Variants in PTPRZ1 observed in about 807,000 individuals in gnomAD.
PTPRZ1 encodes protein tyrosine phosphatase receptor type Z1.
In PTPRZ1, 82 loss-of-function variants were observed where a neutral mutation model predicts 214.1. That is an observed-to-expected ratio of 0.38 (90% CI 0.32 to 0.46). The LOEUF is 0.46. Ranked by LOEUF, PTPRZ1 falls within the 20% of genes least tolerant of loss-of-function variation. The pLI, the probability that PTPRZ1 is intolerant of heterozygous loss-of-function variation, is 1.00. For missense variants in PTPRZ1, 2,603 were observed against 2,748.7 expected (o/e 0.95, Z 1.19); for synonymous variants, 945 against 987.9 (o/e 0.96, Z 0.81).
intron 8 of PTPRZ1, among the ~76,000 whole-genome samples, chr7:121,984,656 T>C (rs973181773): frequency 5.9e-5 from 9 of 152,104 alleles, no homozygotes; most frequent in African/African-American, 2.2e-4. Flanking sequence ...TGAAAATAAA[T>C]GCACTGAGTT....
intron 15 of PTPRZ1, among the ~76,000 whole-genome samples, chr7:122,032,546 G>A (rs1799413747): frequency 6.6e-6 from 1 of 152,002 alleles, no homozygotes; most frequent in Admixed American, 6.6e-5. Flanking sequence ...TGGCTCTGCG[G>A]ACCTCCCTCT....
chr7:122,023,427 G>A (rs1799082671), intron 13 of PTPRZ1, among the ~76,000 whole-genome samples: 1 of 146,312 alleles, frequency 6.8e-6, no homozygotes, highest in Non-Finnish European at 1.5e-5. Context: ...TAGCCAGCGA[G>A]GCATGGTGGC....
chr7:121,873,409 C>T lies in PTPRZ1; in HGVS notation c.-91C>T. On this transcript the variant is annotated 5_prime_UTR_variant, in exon 1 of 30. Transcript: ENST00000393386. ...CTATACACTGGAGGATTAAAACAAACAAACAAAAAAAACATTTCCTTCGCT... is the reference window on the plus strand; with the variant it reads ...CTATACACTGGAGGATTAAAACAAATAAACAAAAAAAACATTTCCTTCGCT... 7.4e-7 allele frequency: 1 copy of T among 1,356,740 alleles called. No homozygotes were observed. Among genetic ancestry groups the T allele is most frequent in the African/African-American group, 1.4e-5 (1 of 69,546 alleles). 84.0% of individuals were successfully genotyped at this position (1,356,740 alleles called of 1,614,324 possible). A position where few individuals can be genotyped will look rare whatever the true frequency, so the allele number is the denominator to read the frequency against.
chr7:121,965,877 T>C (rs1415983143), intron 2 of PTPRZ1, among the ~76,000 whole-genome samples: 1 of 152,238 alleles, frequency 6.6e-6, no homozygotes, highest in African/African-American at 2.4e-5. Flanking sequence ...ATCAATATCC[T>C]AGGCATTTTG....
At chr7:122,017,931 C>A (rs939248325) in intron 12 of PTPRZ1, among the ~76,000 whole-genome samples, 2 of 152,006 alleles carry the variant, frequency 1.3e-5, no homozygotes, top group African/African-American at 4.8e-5. Flanking sequence ...CACCCTTGAT[C>A]AACAGAAGAA....
At position 122,013,530 on chromosome 7, in the gene PTPRZ1, A is replaced by G. The variant is rs1482157780; in HGVS notation, c.4484A>G (p.Gln1495Arg). Residue 1495 changes from glutamine to arginine, a missense_variant, in exon 12 of 30, where the codon CAA becomes CGA. Physicochemically the swap from Gln to Arg is conservative, Grantham distance 43 (BLOSUM62 1). This residue lies in a region of PTPRZ1 where 1,913 missense variants were observed against 1,914.3 expected (regional missense o/e 1.00). Transcript: ENST00000393386. ...GTCACAAGTGTATCCTCAGACAGTCAAACTGGTATGGACAGAAGTCCTGGT... is the reference window on the plus strand; with the variant it reads ...GTCACAAGTGTATCCTCAGACAGTCGAACTGGTATGGACAGAAGTCCTGGT... ...NRVTSVSSDSQTGMDRSPGKS... is the reference protein window; with the variant it reads ...NRVTSVSSDSRTGMDRSPGKS... The G allele has an allele frequency of 1.2e-6, 2 of 1,614,046 alleles. No homozygotes were observed. Among genetic ancestry groups the G allele is most frequent in the African/African-American group, 2.7e-5 (2 of 74,938 alleles).
At chr7:122,030,388 T>G (rs1799336560) in intron 14 of PTPRZ1, among the ~76,000 whole-genome samples, 1 of 152,032 alleles carries the variant, frequency 6.6e-6, no homozygotes, top group African/African-American at 2.4e-5. Context: ...CATCAAGGGG[T>G]TTGAAGGACA....
At chr7:122,003,477 A>G (rs1008138886) in intron 10 of PTPRZ1, among the ~76,000 whole-genome samples, 1 of 152,186 alleles carries the variant, frequency 6.6e-6, no homozygotes, top group African/African-American at 2.4e-5. Context: ...AGTCTTGGTA[A>G]AAAATAAACG....
At position 121,990,540 on chromosome 7, in the gene PTPRZ1, G is replaced by A. The variant is rs1223901723; in HGVS notation, c.929-5842G>A. ...TTTTTTTTTTTTTTTTTTTTTTTTT[G>A]ACAGAGTCTCTCTTTGTCACCCAGG... On this transcript the variant is annotated intron_variant, in intron 8 of 29. Coordinates refer to ENST00000393386, the MANE Select transcript of PTPRZ1 (RefSeq NM_002851.3). Among the ~76,000 whole-genome samples, 10 of 17,752 alleles carry A rather than the reference G, an allele frequency of 5.6e-4. No individual in the cohort carries two copies. In the South Asian group the frequency reaches 0.016, roughly 28 times the overall value. The allele number at this position is 17,752 out of a possible 152,430, so 11.6% of individuals were successfully genotyped here.
chr7:121,927,432 G>T (rs1795798231), intron 1 of PTPRZ1, among the ~76,000 whole-genome samples: 1 of 152,188 alleles, frequency 6.6e-6, no homozygotes, highest in South Asian at 2.1e-4. Flanking sequence ...GAATTATGCA[G>T]AGTGAGACTG....
chr7:122,013,378 A>G lies in PTPRZ1; in HGVS notation c.4332A>G (p.Ser1444=), dbSNP rs1296980134. The G allele has an allele frequency of 1.2e-6, 2 of 1,614,062 alleles. No homozygotes were observed. The highest frequency in any genetic ancestry group is 1.1e-5 in the South Asian group (1 of 91,082). The change falls in exon 12 of 30, where the codon TCA becomes TCG. Residue 1444 remains serine, a synonymous_variant. Transcript: ENST00000393386. The part of the protein sequence containing the change: ...SDGLSIHKCM[S]CSSYRESQEK... ...GCTTATCCATTCATAAGTGTATGTC[A>G]TGCTCATCCTATAGAGAATCACAGG...
At chr7:121,913,562 G>A (rs937978549) in intron 1 of PTPRZ1, among the ~76,000 whole-genome samples, 2 of 152,098 alleles carry the variant, frequency 1.3e-5, no homozygotes, top group Admixed American at 6.6e-5. Flanking sequence ...TGAATTAATT[G>A]GTTTATTCAG....
chr7:121,900,881 G>A (rs1233848463), intron 1 of PTPRZ1, among the ~76,000 whole-genome samples: 4 of 152,104 alleles, frequency 2.6e-5, no homozygotes. Context: ...GTACATGAAC[G>A]ATGTGCCAAT....
At chr7:122,046,039 G>C (rs1035405212) in intron 23 of PTPRZ1, among the ~76,000 whole-genome samples, 3 of 152,140 alleles carry the variant, frequency 2.0e-5, no homozygotes, top group Admixed American at 1.3e-4. Flanking sequence ...CCAGGCTTTT[G>C]TGTTATTAGG....
rs1404411603 is a variant in PTPRZ1, at chr7:122,011,076, A to T, written c.2030A>T (p.Asn677Ile). 6.2e-7 allele frequency: 1 copy of T among 1,614,008 alleles called. No homozygotes were observed. The highest frequency in any genetic ancestry group is 1.1e-5 in the South Asian group (1 of 91,080). Residue 677 changes from asparagine (N) to isoleucine (I), a missense_variant, in exon 12 of 30, where the codon AAT (asparagine) becomes ATT (isoleucine). Physicochemically the swap from Asn to Ile is moderately radical, Grantham distance 149 (BLOSUM62 -3). Transcript: ENST00000393386. Reference sequence around the variant, plus strand: ...GGCAGAGAGAGCTTTCTCCAGACTAATTACACTGAGATACGTGTTGATGAA... The same window carrying T: ...GGCAGAGAGAGCTTTCTCCAGACTATTTACACTGAGATACGTGTTGATGAA... ...GSGRESFLQT[N>I]YTEIRVDESE... is the part of the protein sequence containing the mutation.
chr7:122,030,090 CAAATA>C (rs1799329044), intron 14 of PTPRZ1, among the ~76,000 whole-genome samples: 1 of 151,812 alleles, frequency 6.6e-6, no homozygotes, highest in Admixed American at 6.6e-5. Context: ...TTATTTTTAA[CAAATA>C]AAATAATACA....
intron 8 of PTPRZ1, among the ~76,000 whole-genome samples, chr7:121,995,600 A>G (rs1798107821): frequency 6.6e-6 from 1 of 152,228 alleles, no homozygotes; most frequent in African/African-American, 2.4e-5. Context: ...ATGATTTTTC[A>G]TAATACTACT....
chr7:122,015,503 T>C lies in PTPRZ1; in HGVS notation c.4843+1614T>C, dbSNP rs115639625. Among the ~76,000 whole-genome samples the C allele has an allele frequency of 6.3e-3, 958 of 152,244 alleles. 8 individuals carry two copies. Among genetic ancestry groups the C allele is most frequent in the African/African-American group, 0.022 (903 of 41,582 alleles). On this transcript the variant is annotated intron_variant, in intron 12 of 29. Coordinates refer to ENST00000393386, the MANE Select transcript of PTPRZ1 (RefSeq NM_002851.3). ...CATTTTAAACACTTAAATGCTGATA[T>C]GTGAGAATGAATAATGAATCCATAG...
intron 13 of PTPRZ1, among the ~76,000 whole-genome samples, chr7:122,023,241 A>G (rs1427553136): frequency 4.6e-5 from 7 of 151,746 alleles, no homozygotes; most frequent in Non-Finnish European, 8.8e-5. Flanking sequence ...ATAAACTTTC[A>G]GAGGAAGCAG....
Sources: gnomAD v4.1 joint callset for allele counts (sites outside exome capture counted in the v4.1 genomes callset) on GRCh38, gnomAD v4.1.1 for gene constraint, gnomAD v4.1.1 regional missense constraint, MANE v1.5 for transcripts, NCBI Gene and HGNC (gene_info 2026-07-23, HGNC 2026-07-21) for gene names.